The following NUP93 variants were observed in gnomAD, a reference collection of about 807,000 sequenced individuals.
NUP93 encodes the protein nucleoporin 93.
In NUP93, 55 loss-of-function variants were observed where a neutral mutation model predicts 107.8. The observed-to-expected ratio is 0.51, with a 90% CI of 0.41 to 0.64. The LOEUF is 0.64. Among genes scored for constraint, NUP93 ranks in the 30% least tolerant of loss-of-function variants. The pLI is 0.00. For synonymous variants in NUP93, 390 were observed against 397.5 expected (o/e 0.98, Z 0.22); for missense variants, 937 against 1,044.7 (o/e 0.90, Z 1.42).
At chr16:56,732,949 G>T (rs141001976) in intron 1 of NUP93, among the ~76,000 whole-genome samples, 108 of 152,318 alleles carry the variant, frequency 7.1e-4, no homozygotes, top group African/African-American at 2.4e-3. Flanking sequence ...CACAACTGCT[G>T]CACTAGGGAA....
At chr16:56,747,451 C>T (rs1961839278) in intron 1 of NUP93, among the ~76,000 whole-genome samples, 1 of 152,064 alleles carries the variant, frequency 6.6e-6, no homozygotes, top group Non-Finnish European at 1.5e-5. Flanking sequence ...AGTAACAAAT[C>T]TAATGTCCCG....
At chr16:56,748,033 G>GT (rs1304527023) in intron 1 of NUP93, 1 of 427,802 alleles carries the variant, frequency 2.3e-6, no homozygotes, top group East Asian at 3.7e-5. Flanking sequence ...GAAATGATCT[G>GT]TTTTTTCACA....
At chr16:56,783,181 A>G (rs1962551247) in intron 3 of NUP93, among the ~76,000 whole-genome samples, 1 of 152,208 alleles carries the variant, frequency 6.6e-6, no homozygotes, top group African/African-American at 2.4e-5. Context: ...ATCCTAAGGA[A>G]TGTATTTGTA....
At chr16:56,767,302 C>A (rs1417134730) in intron 3 of NUP93, among the ~76,000 whole-genome samples, 1 of 152,236 alleles carries the variant, frequency 6.6e-6, no homozygotes, top group Non-Finnish European at 1.5e-5. Flanking sequence ...GCAGCAGAAT[C>A]TGCTGAGCAG....
chr16:56,758,545 C>A lies in NUP93; in HGVS notation c.187C>A (p.Leu63Ile), dbSNP rs1179549315. The A allele has an allele frequency of 1.2e-6, 2 of 1,613,116 alleles. No individual in the cohort carries two copies. Among genetic ancestry groups the A allele is most frequent in the African/African-American group, 2.7e-5 (2 of 74,856 alleles). ...TTCTATATCCTCACATAGGTCAGTT[C>A]TCCTCGGGTCTCGGGGACTTGACAT... ...QETADVKASVLLGSRGLDISH... is the reference protein window; with the variant it reads ...QETADVKASVILGSRGLDISH... The change falls in exon 3 of 22, where the codon CTC (leucine) becomes ATC (isoleucine). Residue 63 changes from leucine (L) to isoleucine (I), a missense_variant. Leu to Ile is a conservative substitution (Grantham distance 5). Transcript: ENST00000308159.
chr16:56,762,313 T>A (rs1421623735), intron 3 of NUP93, among the ~76,000 whole-genome samples: 1 of 152,228 alleles, frequency 6.6e-6, no homozygotes, highest in Non-Finnish European at 1.5e-5. Flanking sequence ...CTAGATTGCA[T>A]GTATATTTCA....
intron 5 of NUP93, among the ~76,000 whole-genome samples, chr16:56,810,595 G>A (rs1405715995): frequency 6.6e-6 from 1 of 152,122 alleles, no homozygotes; most frequent in African/African-American, 2.4e-5. Context: ...TCGCACCACT[G>A]TACCCCAGCC....
intron 3 of NUP93, among the ~76,000 whole-genome samples, chr16:56,791,509 A>G (rs1962762245): frequency 6.6e-6 from 1 of 152,222 alleles, no homozygotes; most frequent in African/African-American, 2.4e-5. Flanking sequence ...AGCCAAGAGA[A>G]TTTGGCCATT....
intron 7 of NUP93, among the ~76,000 whole-genome samples, chr16:56,822,542 T>TTTTC (rs1312016956): frequency 7.2e-6 from 1 of 138,766 alleles, no homozygotes; most frequent in African/African-American, 2.7e-5. Flanking sequence ...TAACTTTTTC[T>TTTTC]TTTCTTTCTT....
In NUP93 at chr16:56,757,572, A is replaced by G. The variant is rs142584533; in HGVS notation, c.180-966A>G. Reference sequence around the variant, plus strand: ...AGAGAGTGTTCTAGATATTAGTGCAACCTTTTCTTTAAAAAACTACCCTTG... The same window carrying G: ...AGAGAGTGTTCTAGATATTAGTGCAGCCTTTTCTTTAAAAAACTACCCTTG... On this transcript the variant is annotated intron_variant, in intron 2 of 21. Transcript: ENST00000308159. 8.9e-3 allele frequency among the ~76,000 whole-genome samples: 1,358 copies of G among 152,310 alleles called. 22 individuals are homozygous for G. The highest frequency in any genetic ancestry group is 0.031 in the African/African-American group (1,289 of 41,552).
At chr16:56,740,337 C>A (rs1961706142) in intron 1 of NUP93, among the ~76,000 whole-genome samples, 1 of 150,492 alleles carries the variant, frequency 6.6e-6, no homozygotes, top group African/African-American at 2.4e-5. Context: ...ACGCTCCTCA[C>A]CTCCCAGACG....
chr16:56,843,616 G>A (rs1596869382), intron 21 of NUP93, among the ~76,000 whole-genome samples: 1 of 152,310 alleles, frequency 6.6e-6, no homozygotes, highest in East Asian at 1.9e-4. Flanking sequence ...CTCATTTAAC[G>A]AGAGCCCTTT....
chr16:56,825,106 G>T (rs775007822), intron 8 of NUP93, among the ~76,000 whole-genome samples: 8 of 151,578 alleles, frequency 5.3e-5, no homozygotes, highest in Non-Finnish European at 1.0e-4. Flanking sequence ...ACCCATGCTG[G>T]AGTGCAGTGG....
intron 20 of NUP93, among the ~76,000 whole-genome samples, chr16:56,840,299 C>T (rs563300385): frequency 1.3e-5 from 2 of 152,310 alleles, no homozygotes; most frequent in Admixed American, 6.5e-5. Context: ...GGATTACAGG[C>T]GTGAGCCACC....
chr16:56,785,015 G>A (rs1962594973), intron 3 of NUP93, among the ~76,000 whole-genome samples: 1 of 152,194 alleles, frequency 6.6e-6, no homozygotes, highest in Admixed American at 6.5e-5. Flanking sequence ...TACGGAATAA[G>A]AGCCTAGATC....
At chr16:56,756,305 C>A (rs141950772) in intron 2 of NUP93, among the ~76,000 whole-genome samples, 4 of 92,144 alleles carry the variant, frequency 4.3e-5, no homozygotes, top group South Asian at 1.1e-3. Context: ...GCCCCCCCCC[C>A]CCCCGACAGG....
chr16:56,750,265 G>T (rs1961894415), intron 2 of NUP93, among the ~76,000 whole-genome samples: 1 of 152,162 alleles, frequency 6.6e-6, no homozygotes, highest in South Asian at 2.1e-4. Context: ...TGCTTAAAAA[G>T]AAACCAAAGG....
chr16:56,755,893 TAAAC>T (rs1423757648), intron 2 of NUP93, among the ~76,000 whole-genome samples: 2 of 152,062 alleles, frequency 1.3e-5, no homozygotes, highest in African/African-American at 2.4e-5. Context: ...AGTAAATAAA[TAAAC>T]AAATTGTATA....
intron 16 of NUP93, among the ~76,000 whole-genome samples, chr16:56,835,033 G>A (rs1963882214): frequency 6.6e-6 from 1 of 152,132 alleles, no homozygotes; most frequent in African/African-American, 2.4e-5. Context: ...ATTTGTTCAT[G>A]CCTGTCATTT....
Sources: gnomAD v4.1 joint callset for allele counts (sites outside exome capture counted in the v4.1 genomes callset) on GRCh38, gnomAD v4.1.1 for gene constraint, MANE v1.5 for transcripts, NCBI Gene and HGNC (gene_info 2026-07-23, HGNC 2026-07-21) for gene names.